ALPK2: variants seen among roughly 807,000 people sequenced by gnomAD.
ALPK2 encodes alpha kinase 2.
ALPK2 carries 127 observed loss-of-function variants against 163.1 expected under a neutral mutation model. That is an observed-to-expected ratio of 0.78 (90% CI 0.67 to 0.90). The LOEUF (loss-of-function observed/expected upper bound fraction) is 0.90. Among genes scored for constraint, ALPK2 ranks in the 40% least tolerant of loss-of-function variants. ALPK2 has a pLI of 0.00. For synonymous variants in ALPK2, 953 were observed against 959.1 expected, an observed-to-expected ratio of 0.99 and a Z score of 0.12; for missense variants, 2,360 against 2,589.6, an observed-to-expected ratio of 0.91 and a Z score of 1.92.
At chr18:58,606,253 A>AT (rs2052097186) in intron 3 of ALPK2, among the ~76,000 whole-genome samples, 1 of 151,788 alleles carries the variant, frequency 6.6e-6, no homozygotes, top group African/African-American at 2.4e-5. Context: ...TAATTTTTCA[A>AT]TTTTTTTGTA....
intron 5 of ALPK2, among the ~76,000 whole-genome samples, chr18:58,531,002 A>G (rs1418740825): frequency 1.3e-5 from 2 of 151,974 alleles, no homozygotes; most frequent in African/African-American, 4.8e-5. Flanking sequence ...GGAGTTGGAG[A>G]CCAGCCTGGG....
At chr18:58,489,521 A>G (rs1323214827) in intron 12 of ALPK2, among the ~76,000 whole-genome samples, 2 of 146,028 alleles carry the variant, frequency 1.4e-5, no homozygotes, top group Non-Finnish European at 3.0e-5. Context: ...CCCCACCCCT[A>G]CAAAAAAAAA....
At chr18:58,566,305 C>G (rs904741394) in intron 4 of ALPK2, among the ~76,000 whole-genome samples, 1 of 152,170 alleles carries the variant, frequency 6.6e-6, no homozygotes, top group Non-Finnish European at 1.5e-5. Context: ...CTATTTCTAT[C>G]CATAAACCAA....
chr18:58,573,920 C>T (rs1462987212), intron 4 of ALPK2, among the ~76,000 whole-genome samples: 2 of 152,010 alleles, frequency 1.3e-5, no homozygotes, highest in East Asian at 3.9e-4. Context: ...AAAGGAATTC[C>T]AGACAGAAAG....
At chr18:58,557,453 C>T (rs2051799178) in intron 4 of ALPK2, among the ~76,000 whole-genome samples, 1 of 151,580 alleles carries the variant, frequency 6.6e-6, no homozygotes, top group African/African-American at 2.4e-5. Flanking sequence ...GTAGGTTTAC[C>T]GATTGTGACA....
chr18:58,606,903 GC>G (rs2052100971), intron 3 of ALPK2, among the ~76,000 whole-genome samples: 1 of 152,178 alleles, frequency 6.6e-6, no homozygotes, highest in Non-Finnish European at 1.5e-5. Context: ...ATGGTTTCTA[GC>G]CTGAACTCCA....
chr18:58,552,264 AG>A (rs1025233235), intron 4 of ALPK2, among the ~76,000 whole-genome samples: 16 of 152,124 alleles, frequency 1.1e-4, no homozygotes, highest in Non-Finnish European at 1.9e-4. Flanking sequence ...AGTCAATTGG[AG>A]GGGGCGGGGG....
intron 8 of ALPK2, among the ~76,000 whole-genome samples, chr18:58,522,443 G>A (rs551098853): frequency 6.6e-6 from 1 of 152,344 alleles, no homozygotes; most frequent in Admixed American, 6.5e-5. Context: ...GGAAGACACG[G>A]CAAACACAGA....
rs1568077667 is a variant in ALPK2 at position 58,535,840 on chromosome 18, CGGCTGGATTTCCG to C, written c.4334_4346del (p.Ala1445GlyfsTer14). Reference sequence around the variant, plus strand: ...GGAGACATGGAACTTGCAAAATGGCCGGCTGGATTTCCGCTTCGTGGCCCATGTTTCCGTCATT... The same window carrying C: ...GGAGACATGGAACTTGCAAAATGGCCCTTCGTGGCCCATGTTTCCGTCATT... On this transcript the variant is annotated frameshift_variant, in exon 5 of 13. Coordinates refer to ENST00000361673, the MANE Select transcript of ALPK2 (RefSeq NM_052947.4). LOFTEE classifies it high-confidence loss of function. 6.2e-7 allele frequency: 1 copy of C among 1,614,074 alleles called. No individual in the cohort carries two copies. The highest frequency in any genetic ancestry group is 8.5e-7 in the Non-Finnish European group (1 of 1,180,032).
chr18:58,623,571 T>A (rs2052213543), intron 1 of ALPK2, among the ~76,000 whole-genome samples: 1 of 152,158 alleles, frequency 6.6e-6, no homozygotes, highest in Non-Finnish European at 1.5e-5. Flanking sequence ...GCTCAAGCAA[T>A]CCTCCCTCCT....
At chr18:58,504,254 C>A in intron 10 of ALPK2, 106 bp from the exon 11 acceptor site, 1 of 893,830 alleles carries the variant, frequency 1.1e-6, no homozygotes, top group South Asian at 1.7e-5. Context: ...AGAATTTGTC[C>A]CCAATTCTGC....
At position 58,535,334 on chromosome 18, in the gene ALPK2, A is replaced by T. The variant is rs1031347354; in HGVS notation, c.4853T>A (p.Val1618Asp). The T allele has an allele frequency of 6.2e-7, 1 of 1,614,078 alleles. No individual in the cohort carries two copies. Among genetic ancestry groups the T allele is most frequent in the Admixed American group, 1.7e-5 (1 of 59,998 alleles). ...TTTGTGGCTTATCAAAAAGTCTGTG[A>T]CATTTCCTTCAGGAGATGAAGTACA... ...FPCTSSPEGN[V>D]TDFLISHKME... The change falls in exon 5 of 13, where the codon GTC becomes GAC. Residue 1618 changes from valine (V) to aspartate (D), a missense_variant. Val to Asp is a radical substitution (Grantham distance 152). Coordinates refer to ENST00000361673, the MANE Select transcript of ALPK2 (RefSeq NM_052947.4).
chr18:58,498,062 T>C lies in ALPK2; in HGVS notation c.6283A>G (p.Thr2095Ala), dbSNP rs149775332. ...GMKLTDVGIA[T>A]LAKGYKGFKG... ...TTTCCTACTCACCCTTTAGCCAGCG[T>C]TGCTATGCCAACGTCAGTTAGCTTC... The change falls in exon 12 of 13, where the codon ACG becomes GCG. Residue 2095 changes from threonine (T) to alanine (A), a missense_variant. Coordinates refer to ENST00000361673, the MANE Select transcript of ALPK2 (RefSeq NM_052947.4). 47 of 1,614,162 alleles carry C rather than the reference T, an allele frequency of 2.9e-5. No homozygotes were observed. The African/African-American group carries it at 6.1e-4, about 21-fold the overall frequency.
At chr18:58,524,522 C>A (rs2051573907) in intron 6 of ALPK2, among the ~76,000 whole-genome samples, 1 of 152,174 alleles carries the variant, frequency 6.6e-6, no homozygotes, top group African/African-American at 2.4e-5. Context: ...GTAATAGTGT[C>A]CTGTACTCCC....
chr18:58,502,168 ACACACACACAC>A (rs1233567847), intron 11 of ALPK2, among the ~76,000 whole-genome samples: 3 of 145,322 alleles, frequency 2.1e-5, no homozygotes, highest in Non-Finnish European at 3.0e-5. Context: ...ACACACACAC[ACACACACACAC>A]AAAGAAAAAA....
chr18:58,484,295 C>T (rs1237072730), intron 12 of ALPK2, among the ~76,000 whole-genome samples: 1 of 152,144 alleles, frequency 6.6e-6, no homozygotes, highest in African/African-American at 2.4e-5. Context: ...CGCACCTAGC[C>T]AAGCACTGTG....
chr18:58,543,761 C>T (rs1005873681), intron 4 of ALPK2, among the ~76,000 whole-genome samples: 3 of 152,194 alleles, frequency 2.0e-5, no homozygotes, highest in Admixed American at 1.3e-4. Flanking sequence ...AAAACCGACA[C>T]ATGAGGTCAA....
Position 58,535,559 on chromosome 18 carries a change from C to T in ALPK2, c.4628G>A (p.Ser1543Asn). ...AGCGTGAGTCATTATTGGAAGACAA[C>T]TAGAAAGAGGTGAAGTGGGGGAAAT... is the stretch of plus-strand genomic sequence containing the variant. ...ELISPTSPLS[S>N]CLPIMTHASL... Residue 1543 changes from serine to asparagine, a missense_variant, in exon 5 of 13, where the codon AGT becomes AAT. Ser to Asn is a conservative substitution (Grantham distance 46). Coordinates refer to ENST00000361673, the MANE Select transcript of ALPK2 (RefSeq NM_052947.4). The T allele has an allele frequency of 6.2e-7, 1 of 1,614,196 alleles. No individual in the cohort carries two copies. Among genetic ancestry groups the T allele is most frequent in the South Asian group, 1.1e-5 (1 of 91,086 alleles).
At chr18:58,559,018 C>T (rs941130013) in intron 4 of ALPK2, among the ~76,000 whole-genome samples, 3 of 152,218 alleles carry the variant, frequency 2.0e-5, no homozygotes, top group Non-Finnish European at 2.9e-5. Context: ...GTTGGTTGCA[C>T]AATTTGTGAT....
Sources: allele counts gnomAD v4.1 joint callset (sites outside exome capture counted in the v4.1 genomes callset), GRCh38; gene constraint gnomAD v4.1.1; transcripts MANE v1.5; gene names NCBI Gene and HGNC (gene_info 2026-07-23, HGNC 2026-07-21).